KLHL4: variants seen among roughly 807,000 people sequenced by gnomAD.
KLHL4 encodes kelch like family member 4, also known as kelch-like protein 4.
KLHL4 carries 17 observed loss-of-function variants against 45.8 expected under a neutral mutation model. The observed-to-expected ratio is 0.37, with a 90% CI of 0.25 to 0.56. KLHL4 has a LOEUF of 0.56. KLHL4 is among the 20% of genes least tolerant of loss of function. KLHL4 has a pLI of 0.79. For missense variants in KLHL4, 544 were observed against 544.9 expected, an observed-to-expected ratio of 1.00 and a Z score of 0.02; for synonymous variants, 224 against 189.9, an observed-to-expected ratio of 1.18 and a Z score of -1.47.
chrX:87,665,419 A>G (rs1924335713), intron 10 of KLHL4, among the ~76,000 whole-genome samples: 1 of 110,621 alleles, frequency 9.0e-6, no homozygotes, highest in Non-Finnish European at 1.9e-5. Context: ...AGACTGCAAT[A>G]CTCCTAAATT....
intron 9 of KLHL4, among the ~76,000 whole-genome samples, chrX:87,656,083 A>C (rs775253585): frequency 1.8e-5 from 2 of 110,506 alleles, no homozygotes; most frequent in Non-Finnish European, 3.8e-5. Context: ...TTTCCTTTAT[A>C]GGTTACTATA....
intron 9 of KLHL4, among the ~76,000 whole-genome samples, chrX:87,643,778 C>T (rs1923541312): frequency 9.0e-6 from 1 of 111,505 alleles, no homozygotes; most frequent in Non-Finnish European, 1.9e-5. Context: ...TGGTACAACT[C>T]ATAAAAATAA....
intron 1 of KLHL4, among the ~76,000 whole-genome samples, chrX:87,542,576 A>C (rs1390639537): frequency 8.9e-6 from 1 of 112,626 alleles, no homozygotes; most frequent in African/African-American, 3.2e-5. Flanking sequence ...TGCATGGGTC[A>C]TGTGGCCCCT....
chrX:87,562,549 A>T (rs1217885184), intron 1 of KLHL4, among the ~76,000 whole-genome samples: 8 of 64,290 alleles, frequency 1.2e-4, no homozygotes, highest in African/African-American at 5.2e-4. Context: ...AGGGAAGAGT[A>T]AAAAAAAAAA....
intron 9 of KLHL4, among the ~76,000 whole-genome samples, chrX:87,642,836 A>T (rs1345764421): frequency 8.9e-6 from 1 of 112,310 alleles, no homozygotes; most frequent in African/African-American, 3.2e-5. Context: ...TAATTAATCC[A>T]ATCTTACAAA....
chrX:87,537,507 T>G (rs1931458128), intron 1 of KLHL4, among the ~76,000 whole-genome samples: 1 of 110,870 alleles, frequency 9.0e-6, no homozygotes, highest in Admixed American at 9.7e-5. Context: ...AATATATATA[T>G]AGATAGGTCG....
At chrX:87,636,673 A>T (rs970662214) in intron 9 of KLHL4, among the ~76,000 whole-genome samples, 1 of 110,307 alleles carries the variant, frequency 9.1e-6, no homozygotes, top group African/African-American at 3.3e-5. Flanking sequence ...TGCAGGCTGC[A>T]TGGGAGCTGG....
intron 1 of KLHL4, among the ~76,000 whole-genome samples, chrX:87,598,106 T>C (rs1472769867): frequency 9.0e-6 from 1 of 110,837 alleles, no homozygotes; most frequent in Non-Finnish European, 1.9e-5. Flanking sequence ...GTTAAATTCA[T>C]ACCCTAGCCT....
In KLHL4 at chrX:87,518,150, G is replaced by A. The variant is rs181832842; in HGVS notation, c.257G>A (p.Arg86Lys). 8.3e-7 allele frequency: 1 copy of A among 1,210,383 alleles called. No homozygotes were observed. The highest frequency in any genetic ancestry group is 3.0e-5 in the East Asian group (1 of 33,736). Residue 86 changes from arginine (R) to lysine (K), a missense_variant, in exon 1 of 11, where the codon AGA (arginine) becomes AAA (lysine). Transcript: ENST00000373119. ...CCAGGACCGGCCCCTGCCCATCAGA[G>A]AGCCGTTCAGAATTTGCAGCAACAT... is the stretch of plus-strand genomic sequence containing the variant. ...PVPGPAPAHQ[R>K]AVQNLQQHNL...
chrX:87,527,285 C>A (rs887866979), intron 1 of KLHL4, among the ~76,000 whole-genome samples: 8 of 111,568 alleles, frequency 7.2e-5, no homozygotes, highest in Non-Finnish European at 1.3e-4. Context: ...TAAGCTGTTG[C>A]ATCATAGCAC....
At chrX:87,536,005 G>T (rs1454676691) in intron 1 of KLHL4, among the ~76,000 whole-genome samples, 2 of 110,356 alleles carry the variant, frequency 1.8e-5, no homozygotes, top group African/African-American at 3.3e-5. Context: ...TATGCTTCTT[G>T]TACATCCTGC....
In KLHL4 at chrX:87,611,659, CATACTATACT is replaced by C. The variant is rs201194879; in HGVS notation, c.423-2190_423-2181del. On this transcript the variant is annotated intron_variant, in intron 1 of 10. Transcript: ENST00000373119. ...AATGACTATGTTACTGGTTTAAGTA[CATACTATACT>C]ATACTATACTATACTATACTATACT... Among the ~76,000 whole-genome samples, 52 of 101,558 alleles carry C rather than the reference CATACTATACT, an allele frequency of 5.1e-4. 1 individual carries two copies. The East Asian group carries it at 0.011, about 21-fold the overall frequency. The allele number at this position is 101,558 out of a possible 115,157, so 88.2% of individuals were successfully genotyped here. A position where few individuals can be genotyped will look rare whatever the true frequency, so the allele number is the denominator to read the frequency against.
chrX:87,573,190 G>T (rs772901676), intron 1 of KLHL4, among the ~76,000 whole-genome samples: 1 of 111,348 alleles, frequency 9.0e-6, no homozygotes, highest in South Asian at 3.7e-4. Context: ...ATTCAGAGGA[G>T]TTGTTACATT....
intron 1 of KLHL4, among the ~76,000 whole-genome samples, chrX:87,569,024 A>C (rs1456572792): frequency 9.0e-6 from 1 of 111,570 alleles, no homozygotes; most frequent in Non-Finnish European, 1.9e-5. Context: ...AATCAAGGGA[A>C]TGAAAAAGAT....
At chrX:87,617,802 A>G in intron 3 of KLHL4, 130 bp from the exon 4 acceptor site, 1 of 495,968 alleles carries the variant, frequency 2.0e-6, no homozygotes. Flanking sequence ...ATTAGCCTCA[A>G]AATGTGCTCC....
intron 1 of KLHL4, among the ~76,000 whole-genome samples, chrX:87,520,338 G>A (rs1200822035): frequency 8.9e-6 from 1 of 111,898 alleles, no homozygotes; most frequent in African/African-American, 3.2e-5. Context: ...TGACTCCAGT[G>A]GTTTTTTAAA....
intron 1 of KLHL4, among the ~76,000 whole-genome samples, chrX:87,609,103 G>A (rs1922290012): frequency 9.0e-6 from 1 of 111,558 alleles, no homozygotes; most frequent in Admixed American, 9.5e-5. Flanking sequence ...CCTTTTTTAT[G>A]GCTGCATAGT....
Position 87,664,752 on chromosome X carries a change from A to G in KLHL4, c.1926-12A>G. ...GACTTTTCCTCCCAATTATCTTTCT[A>G]AATCCTTTAAGGTATGATCCAAAAG... On this transcript the variant is annotated splice_polypyrimidine_tract_variant and intron_variant, in intron 9 of 10. Coordinates refer to ENST00000373119, the MANE Select transcript of KLHL4 (RefSeq NM_019117.5). The G allele has an allele frequency of 6.9e-6, 8 of 1,164,714 alleles. No individual in the cohort carries two copies. The highest frequency in any genetic ancestry group is 5.8e-6 in the Non-Finnish European group (5 of 865,280).
chrX:87,666,368 T>C, intron 10 of KLHL4, 107 bp from the exon 11 acceptor site: 1 of 745,496 alleles, frequency 1.3e-6, no homozygotes, highest in Non-Finnish European at 1.8e-6. Context: ...CAAGGTGATG[T>C]TAGACCAAAT....
Sources: allele counts gnomAD v4.1 joint callset (sites outside exome capture counted in the v4.1 genomes callset), GRCh38; gene constraint gnomAD v4.1.1; transcripts MANE v1.5; gene names NCBI Gene and HGNC (gene_info 2026-07-23, HGNC 2026-07-21).